The following CSMD3 variants were observed in gnomAD, a reference collection of about 807,000 sequenced individuals.
The protein encoded by CSMD3 is CUB and sushi domain-containing protein 3.
Under a neutral mutation model 435.2 loss-of-function variants are expected in CSMD3, and 177 were observed. That is an observed-to-expected ratio of 0.41 (90% confidence interval 0.36 to 0.46). CSMD3 has a LOEUF of 0.46. Among genes scored for constraint, CSMD3 ranks in the 20% least tolerant of loss-of-function variants. The pLI, the probability that CSMD3 is intolerant of heterozygous loss-of-function variation, is 0.34. For synonymous variants in CSMD3, 1,656 were observed against 1,520.5 expected (o/e 1.09, Z -2.07); for missense variants, 4,265 against 4,504.6 (o/e 0.95, Z 1.52).
At chr8:112,957,522 C>T (rs1382231682) in intron 7 of CSMD3, among the ~76,000 whole-genome samples, 2 of 151,862 alleles carry the variant, frequency 1.3e-5, no homozygotes, top group Non-Finnish European at 1.5e-5. Flanking sequence ...GGCGCGATCT[C>T]GGCTCACTGG....
intron 3 of CSMD3, among the ~76,000 whole-genome samples, chr8:113,226,197 GT>G (rs1272984879): frequency 2.0e-5 from 3 of 151,412 alleles, no homozygotes; most frequent in Non-Finnish European, 3.0e-5. Flanking sequence ...GTGTTATAAT[GT>G]TATTATAGTG....
chr8:113,074,528 T>A (rs1038924577), intron 5 of CSMD3, among the ~76,000 whole-genome samples: 1 of 151,816 alleles, frequency 6.6e-6, no homozygotes, highest in Non-Finnish European at 1.5e-5. Context: ...GAATGTAAAT[T>A]TTTTGCATAC....
At chr8:113,226,909 C>G (rs1022214481) in intron 3 of CSMD3, among the ~76,000 whole-genome samples, 1 of 151,478 alleles carries the variant, frequency 6.6e-6, no homozygotes, top group African/African-American at 2.4e-5. Flanking sequence ...GACAATTGTA[C>G]CATGATACAG....
chr8:112,651,901 T>C (rs1563814060), intron 18 of CSMD3, among the ~76,000 whole-genome samples: 1 of 152,090 alleles, frequency 6.6e-6, no homozygotes, highest in Non-Finnish European at 1.5e-5. Context: ...ACAAAATATG[T>C]CTGAAATCCA....
chr8:112,226,623 C>A (rs1419607038), intron 70 of CSMD3, among the ~76,000 whole-genome samples: 1 of 152,102 alleles, frequency 6.6e-6, no homozygotes, highest in Non-Finnish European at 1.5e-5. Flanking sequence ...GAAAATACAA[C>A]CCACGGAAAG....
intron 14 of CSMD3, 78 bp from the exon 15 acceptor site, chr8:112,685,810 T>C: frequency 1.1e-6 from 1 of 916,774 alleles, no homozygotes; most frequent in Non-Finnish European, 1.7e-6. Flanking sequence ...TATTCTACAA[T>C]TATGATAATC....
chr8:112,510,191 T>C lies in CSMD3; in HGVS notation c.4757-3362A>G, dbSNP rs938875825. On this transcript the variant is annotated intron_variant, in intron 28 of 70. Coordinates refer to ENST00000297405, the MANE Select transcript of CSMD3 (RefSeq NM_198123.2). ...TCCTCTCTTTCTCGAATTATTACAATTGATAATTGAAACGATTATTCCCCA... is the reference window on the plus strand; with the variant it reads ...TCCTCTCTTTCTCGAATTATTACAACTGATAATTGAAACGATTATTCCCCA... Among the ~76,000 whole-genome samples, 11 of 152,214 alleles carry C rather than the reference T, an allele frequency of 7.2e-5. No homozygotes were observed. The East Asian group carries it at 1.7e-3, about 24-fold the overall frequency.
chr8:113,234,004 T>C (rs1713079467), intron 3 of CSMD3, among the ~76,000 whole-genome samples: 1 of 152,126 alleles, frequency 6.6e-6, no homozygotes, highest in African/African-American at 2.4e-5. Context: ...TAAGGGAACC[T>C]GATACCTTTA....
chr8:113,390,629 G>A (rs966723042), intron 1 of CSMD3, among the ~76,000 whole-genome samples: 3 of 151,714 alleles, frequency 2.0e-5, no homozygotes, highest in Non-Finnish European at 4.4e-5. Flanking sequence ...AAAATCAATA[G>A]ATTAACAAGG....
chr8:113,123,153 G>C lies in CSMD3; in HGVS notation c.710-24190C>G, dbSNP rs375060678. On this transcript the variant is annotated intron_variant, in intron 4 of 70. Transcript: ENST00000297405. ...CAAGGTATGGTTAGTGGCCTCTGTAGGTAATAACCAGTTTCATATCTAATC... is the reference window on the plus strand; with the variant it reads ...CAAGGTATGGTTAGTGGCCTCTGTACGTAATAACCAGTTTCATATCTAATC... 2.3e-4 allele frequency among the ~76,000 whole-genome samples: 35 copies of C among 152,136 alleles called. 1 individual carries two copies. The East Asian group carries it at 4.1e-3, about 18-fold the overall frequency.
chr8:112,451,543 CT>C (rs894273159), intron 32 of CSMD3, among the ~76,000 whole-genome samples: 110 of 144,516 alleles, frequency 7.6e-4, no homozygotes, highest in South Asian at 8.7e-4. Flanking sequence ...ATAATCTTCT[CT>C]TTTTTTTTTT....
At chr8:112,613,904 C>T (rs1430859009) in intron 22 of CSMD3, among the ~76,000 whole-genome samples, 1 of 152,050 alleles carries the variant, frequency 6.6e-6, no homozygotes, top group Non-Finnish European at 1.5e-5. Flanking sequence ...CGGAGGATTG[C>T]TTGAGGCCTA....
intron 32 of CSMD3, among the ~76,000 whole-genome samples, chr8:112,468,019 T>A (rs985598103): frequency 6.6e-6 from 1 of 152,152 alleles, no homozygotes; most frequent in Non-Finnish European, 1.5e-5. Context: ...CTTTTACAGA[T>A]AATTCCTAGA....
chr8:113,128,328 C>T lies in CSMD3; in HGVS notation c.710-29365G>A, dbSNP rs1322427424. On this transcript the variant is annotated intron_variant, in intron 4 of 70. Transcript: ENST00000297405. ...AGGAAGGTAGGAAGGCAAAAAAATA[C>T]ACATTTATAGTTTTCTGCTTACCTA... Among the ~76,000 whole-genome samples the T allele has an allele frequency of 4.6e-5, 7 of 151,884 alleles. No homozygotes were observed. The South Asian group carries it at 6.2e-4, about 13-fold the overall frequency.
intron 7 of CSMD3, among the ~76,000 whole-genome samples, chr8:112,967,574 T>G (rs1365945933): frequency 6.6e-6 from 1 of 151,910 alleles, no homozygotes; most frequent in African/African-American, 2.4e-5. Context: ...TTCTGTTGTT[T>G]AGGTCTCAGT....
intron 5 of CSMD3, among the ~76,000 whole-genome samples, chr8:113,067,350 T>C (rs2088903890): frequency 6.6e-6 from 1 of 152,088 alleles, no homozygotes; most frequent in Non-Finnish European, 1.5e-5. Context: ...ATATGAAATG[T>C]CTTCAGACTA....
At chr8:112,997,240 TA>T (rs1165673481) in intron 6 of CSMD3, among the ~76,000 whole-genome samples, 1 of 151,754 alleles carries the variant, frequency 6.6e-6, no homozygotes, top group Non-Finnish European at 1.5e-5. Context: ...TTTCTTTTTC[TA>T]AAAGTCACAT....
At chr8:112,927,021 T>C (rs1012958526) in intron 9 of CSMD3, among the ~76,000 whole-genome samples, 1 of 152,082 alleles carries the variant, frequency 6.6e-6, no homozygotes, top group Admixed American at 6.6e-5. Context: ...GCAAACCATT[T>C]CTGTAGCAAA....
At chr8:112,937,236 T>A (rs943258746) in intron 9 of CSMD3, among the ~76,000 whole-genome samples, 1 of 151,998 alleles carries the variant, frequency 6.6e-6, no homozygotes, top group Non-Finnish European at 1.5e-5. Context: ...TGAAATATAT[T>A]TTTTTTGTAA....
Sources: gnomAD v4.1 joint callset for allele counts (sites outside exome capture counted in the v4.1 genomes callset) on GRCh38, gnomAD v4.1.1 for gene constraint, MANE v1.5 for transcripts, NCBI Gene and HGNC (gene_info 2026-07-23, HGNC 2026-07-21) for gene names.